The following UBE2U variants were observed in gnomAD, a reference collection of about 807,000 sequenced individuals.
UBE2U encodes the protein ubiquitin-conjugating enzyme E2 U.
In UBE2U, 39 loss-of-function variants were observed where a neutral mutation model predicts 41.2. The observed-to-expected ratio is 0.95, with a 90% CI of 0.73 to 1.24. The LOEUF (loss-of-function observed/expected upper bound fraction) is 1.24. Ranked by LOEUF, UBE2U falls within the 50% of genes most tolerant of loss-of-function variation. The pLI is 0.00. For missense variants in UBE2U, 336 were observed against 363.1 expected, an observed-to-expected ratio of 0.93 and a Z score of 0.61; for synonymous variants, 107 against 117.8, an observed-to-expected ratio of 0.91 and a Z score of 0.60.
At chr1:64,207,951 AT>A (rs113622169) in intron 3 of UBE2U, among the ~76,000 whole-genome samples, 119 of 152,372 alleles carry the variant, frequency 7.8e-4, no homozygotes, top group Middle Eastern at 3.4e-3. Flanking sequence ...GTCAATCAAT[AT>A]AAAAAGAACA....
chr1:64,216,644 G>A (rs1012510229), intron 5 of UBE2U, among the ~76,000 whole-genome samples: 3 of 152,216 alleles, frequency 2.0e-5, no homozygotes, highest in Admixed American at 6.5e-5. Context: ...ACTTTACTCC[G>A]TGATCAGTTG....
chr1:64,260,161 T>C (rs936228569), intron 8 of UBE2U, among the ~76,000 whole-genome samples: 2 of 152,102 alleles, frequency 1.3e-5, no homozygotes, highest in African/African-American at 4.8e-5. Context: ...TAGAAGATTC[T>C]TCCCTAGGGC....
chr1:64,232,488 A>G (rs1570049525), intron 6 of UBE2U, 73 bp from the exon 7 acceptor site: 10 of 1,055,470 alleles, frequency 9.5e-6, no homozygotes, highest in Non-Finnish European at 1.2e-5. Flanking sequence ...TGAACAGTCC[A>G]TATAGCAGTA....
rs115074833 is a variant in UBE2U, at chr1:64,218,598, A to C, written c.458-2261A>C. Among the ~76,000 whole-genome samples the C allele has an allele frequency of 8.1e-3, 1,240 of 152,254 alleles. 12 individuals carry two copies. Among genetic ancestry groups the C allele is most frequent in the African/African-American group, 0.029 (1,197 of 41,546 alleles). ...CACCACATTTCTAAGTTGATTCTATACTAATATTTCTAGGCTTTTCGGTTT... is the reference window on the plus strand; with the variant it reads ...CACCACATTTCTAAGTTGATTCTATCCTAATATTTCTAGGCTTTTCGGTTT... On this transcript the variant is annotated intron_variant, in intron 5 of 9. Transcript: ENST00000371077.
At chr1:64,212,060 T>C (rs909442905) in intron 4 of UBE2U, among the ~76,000 whole-genome samples, 2 of 152,200 alleles carry the variant, frequency 1.3e-5, no homozygotes, top group African/African-American at 2.4e-5. Flanking sequence ...AAGTAAAATA[T>C]AATCTTTAGG....
intron 6 of UBE2U, among the ~76,000 whole-genome samples, chr1:64,231,777 T>G (rs1644571183): frequency 6.6e-6 from 1 of 152,206 alleles, no homozygotes; most frequent in Non-Finnish European, 1.5e-5. Flanking sequence ...GAACTTCAAT[T>G]GGAAAACAGG....
At position 64,246,330 on chromosome 1, in the gene UBE2U, T is replaced by C. The variant is rs541735835; in HGVS notation, c.677+4597T>C. On this transcript the variant is annotated intron_variant, in intron 8 of 9. Coordinates refer to ENST00000371077, the MANE Select transcript of UBE2U (RefSeq NM_001366232.2). The stretch of plus-strand genomic sequence containing the variant: ...ACTCACAAAAGATAAGTAATCTTTC[T>C]TTTGGTATACCTATGTTTGATCCCC... 1.2e-4 allele frequency among the ~76,000 whole-genome samples: 18 copies of C among 152,326 alleles called. No homozygotes were observed. The South Asian group carries it at 2.9e-3, about 25-fold the overall frequency.
At chr1:64,232,228 C>G (rs1017220924) in intron 6 of UBE2U, among the ~76,000 whole-genome samples, 2 of 152,114 alleles carry the variant, frequency 1.3e-5, no homozygotes, top group African/African-American at 4.8e-5. Flanking sequence ...GAGAAATTGA[C>G]AGGTATAACG....
rs760952902 is a variant in UBE2U at position 64,204,125 on chromosome 1, T to C, written c.66+9T>C. ...AGGAGAACAATTATAAGGTAAGTAC[T>C]GGGCACGTGGAGAGATGTGTTTCAT... On this transcript the variant is annotated intron_variant, in intron 1 of 9. Coordinates refer to ENST00000371077, the MANE Select transcript of UBE2U (RefSeq NM_001366232.2). 1 of 1,610,208 alleles carries C rather than the reference T, an allele frequency of 6.2e-7. No homozygotes were observed. Among genetic ancestry groups the C allele is most frequent in the Non-Finnish European group, 8.5e-7 (1 of 1,177,522 alleles).
intron 8 of UBE2U, among the ~76,000 whole-genome samples, chr1:64,256,640 A>G (rs556463015): frequency 6.6e-6 from 1 of 152,346 alleles, no homozygotes; most frequent in Non-Finnish European, 1.5e-5. Context: ...AGAGACTTAA[A>G]TGTAAAACCC....
At position 64,205,648 on chromosome 1, in the gene UBE2U, G is replaced by T. The variant is rs376390845; in HGVS notation, c.76G>T (p.Ala26Ser). The change falls in exon 2 of 10, where the codon GCT becomes TCT. Residue 26 changes from alanine to serine, a missense_variant. Physicochemically the swap from Ala to Ser is moderately conservative, Grantham distance 99 (BLOSUM62 1). Coordinates refer to ENST00000371077, the MANE Select transcript of UBE2U (RefSeq NM_001366232.2). ...LKENNYKGIT[A>S]KPVSEDMMEW... ...TGTTTTTAACTTCAAGGGTATCACT[G>T]CTAAGCCTGTAAGTGAAGATATGAT... 2 of 1,612,284 alleles carry T rather than the reference G, an allele frequency of 1.2e-6. No individual in the cohort carries two copies. Among genetic ancestry groups the T allele is most frequent in the Non-Finnish European group, 1.7e-6 (2 of 1,179,154 alleles).
chr1:64,204,195 A>G, intron 1 of UBE2U, 79 bp downstream of exon 1: 3 of 1,393,608 alleles, frequency 2.2e-6, no homozygotes, highest in East Asian at 4.7e-5. Context: ...TTTATTCTAT[A>G]AGTAGTAATT....
At chr1:64,242,602 A>G (rs1049091041) in intron 8 of UBE2U, among the ~76,000 whole-genome samples, 14 of 151,570 alleles carry the variant, frequency 9.2e-5, no homozygotes, top group African/African-American at 2.7e-4. Context: ...TATTTTTTTA[A>G]ATTGAGTATA....
chr1:64,205,985 G>A (rs983659802), intron 2 of UBE2U, among the ~76,000 whole-genome samples: 2 of 151,994 alleles, frequency 1.3e-5, no homozygotes, highest in Non-Finnish European at 2.9e-5. Context: ...ACATTTTTAA[G>A]AAGCAGACAC....
chr1:64,215,199 C>G (rs1391535879), intron 5 of UBE2U, among the ~76,000 whole-genome samples: 1 of 151,988 alleles, frequency 6.6e-6, no homozygotes, highest in African/African-American at 2.4e-5. Context: ...CCATTGCACT[C>G]TAGCCCGGGC....
At chr1:64,246,108 CTAT>C (rs963216934) in intron 8 of UBE2U, among the ~76,000 whole-genome samples, 1 of 150,902 alleles carries the variant, frequency 6.6e-6, no homozygotes, top group African/African-American at 2.4e-5. Flanking sequence ...ATATTAAATT[CTAT>C]TATTAAACAA....
At chr1:64,214,966 C>G (rs1259910744) in intron 5 of UBE2U, 34 bp downstream of exon 5, 6 of 1,551,568 alleles carry the variant, frequency 3.9e-6, no homozygotes, top group Middle Eastern at 3.4e-4. Context: ...GGTGCAGTGG[C>G]TCACGCCTGT....
At chr1:64,239,119 A>AGAGGAAGAGGAAGAG (rs1644749579) in intron 7 of UBE2U, among the ~76,000 whole-genome samples, 3 of 23,050 alleles carry the variant, frequency 1.3e-4, no homozygotes, top group African/African-American at 5.7e-4. Flanking sequence ...AAGAAGAAGA[A>AGAGGAAGAGGAAGAG]GAAGAAGAAG....
At chr1:64,256,373 G>T (rs889299371) in intron 8 of UBE2U, among the ~76,000 whole-genome samples, 1 of 152,032 alleles carries the variant, frequency 6.6e-6, no homozygotes, top group Non-Finnish European at 1.5e-5. Context: ...AAACTACACT[G>T]CAAGGTTACT....
Sources: gnomAD v4.1 joint callset for allele counts (sites outside exome capture counted in the v4.1 genomes callset) on GRCh38, gnomAD v4.1.1 for gene constraint, MANE v1.5 for transcripts, NCBI Gene and HGNC (gene_info 2026-07-23, HGNC 2026-07-21) for gene names.